The following GLIPR1 variants were observed in gnomAD, a reference collection of about 807,000 sequenced individuals.
GLIPR1 encodes GLI pathogenesis related 1.
A neutral mutation model predicts 30.3 loss-of-function variants in GLIPR1; 38 were observed. The observed-to-expected ratio is 1.26, with a 90% confidence interval of 0.97 to 1.65. The LOEUF is 1.65. Among genes scored for constraint, GLIPR1 ranks in the 40% most tolerant of loss-of-function variants. The pLI, the probability that GLIPR1 is intolerant of heterozygous loss-of-function variation, is 0.00. For synonymous variants in GLIPR1, 122 were observed against 110.6 expected, an observed-to-expected ratio of 1.10 and a Z score of -0.65; for missense variants, 285 against 326.5, an observed-to-expected ratio of 0.87 and a Z score of 0.98.
intron 2 of GLIPR1, among the ~76,000 whole-genome samples, chr12:75,485,539 T>TTATA (rs1470224856): frequency 6.9e-6 from 1 of 145,142 alleles, no homozygotes; most frequent in African/African-American, 2.5e-5. Context: ...TTTATTTTAT[T>TTATA]TATTTATTTA....
rs1229869725 is a variant in GLIPR1, at chr12:75,490,486, T to C, written c.501T>C (p.Asn167=). 2.6e-6 allele frequency: 4 copies of C among 1,533,120 alleles called. 1 individual carries two copies. The South Asian group carries it at 3.4e-5, about 13-fold the overall frequency. The allele number at this position is 1,533,120 out of a possible 1,614,324, so 95.0% of individuals were successfully genotyped here. Reference sequence around the variant, plus strand: ...TTTCTGGCTTTGACGCTCTTTCCAATGGAGCACATTTTATATGCAACTACG... The same window carrying C: ...TTTCTGGCTTTGACGCTCTTTCCAACGGAGCACATTTTATATGCAACTACG... ...PKVSGFDALS[N]GAHFICNYGP... is the part of the protein sequence containing the mutation. Residue 167 remains asparagine (N), a synonymous_variant, in exon 3 of 6, where the codon AAT becomes AAC. Transcript: ENST00000266659.
chr12:75,481,232 T>C (rs969368572), intron 1 of GLIPR1, 178 bp downstream of exon 1: 11 of 453,886 alleles, frequency 2.4e-5, no homozygotes, highest in Non-Finnish European at 4.3e-5. Context: ...TACCCAACTG[T>C]TGTTATAAGC....
chr12:75,502,091 A>G lies in GLIPR1; in HGVS notation c.*3113A>G. On this transcript the variant is annotated 3_prime_UTR_variant, in exon 6 of 6. Transcript: ENST00000266659. Reference sequence around the variant, plus strand: ...GTCACAATATCCTTAGGGTAAAAACAATGGGGTCAAACTGATTTATTAATA... The same window carrying G: ...GTCACAATATCCTTAGGGTAAAAACGATGGGGTCAAACTGATTTATTAATA... The G allele has an allele frequency of 2.0e-6, 2 of 986,650 alleles. No individual in the cohort carries two copies. The highest frequency in any genetic ancestry group is 2.7e-5 in the South Asian group (2 of 73,786). The allele number at this position is 986,650 out of a possible 1,614,324, so 61.1% of individuals were successfully genotyped here. A position where few individuals can be genotyped will look rare whatever the true frequency, so the allele number is the denominator to read the frequency against.
intron 2 of GLIPR1, 86 bp downstream of exon 2, chr12:75,482,165 T>C (rs941518339): frequency 3.6e-6 from 4 of 1,100,322 alleles, no homozygotes; most frequent in Non-Finnish European, 5.4e-6. Flanking sequence ...AAATGTATAG[T>C]ATGCTAGTAT....
chr12:75,481,969 T>G lies in GLIPR1; in HGVS notation c.310T>G (p.Ser104Ala). 1 of 1,614,102 alleles carries G rather than the reference T, an allele frequency of 6.2e-7. No homozygotes were observed. The highest frequency in any genetic ancestry group is 8.5e-7 in the Non-Finnish European group (1 of 1,180,006). Residue 104 changes from serine to alanine, a missense_variant, in exon 2 of 6, where the codon TCT becomes GCT. By Grantham distance (99) the Ser-to-Ala change is moderately conservative. Transcript: ENST00000266659. ...TSLGENIWTG[S>A]VPIFSVSSAI... ...ACTGGGAGAGAACATCTGGACTGGG[T>G]CTGTGCCCATTTTTTCTGTGTCTTC...
rs1381014660 is a variant in GLIPR1, at chr12:75,501,010, T to C, written c.*2032T>C. On this transcript the variant is annotated 3_prime_UTR_variant, in exon 6 of 6. Coordinates refer to ENST00000266659, the MANE Select transcript of GLIPR1 (RefSeq NM_006851.3). ...AATATATTAAAATAATAATGTATTA[T>C]ATCTGTTTCTGACCCAGTCTATGTA... The C allele has an allele frequency of 2.0e-5, 3 of 152,218 alleles. No homozygotes were observed. The highest frequency in any genetic ancestry group is 1.3e-4 in the Admixed American group (2 of 15,258). The allele number at this position is 152,218 out of a possible 1,614,324, so 9.4% of individuals were successfully genotyped here.
In GLIPR1 at chr12:75,501,364, T is replaced by C. The variant is rs1255796521; in HGVS notation, c.*2386T>C. The C allele has an allele frequency of 2.2e-5, 4 of 184,908 alleles. No homozygotes were observed. Among genetic ancestry groups the C allele is most frequent in the Non-Finnish European group, 3.4e-5 (3 of 88,720 alleles). The allele number at this position is 184,908 out of a possible 1,614,324, so 11.5% of individuals were successfully genotyped here. ...AAGATCACATAAAGAGAAGAAAAAG[T>C]ACAACTTCTGATAATTCCTCTTTGA... On this transcript the variant is annotated 3_prime_UTR_variant, in exon 6 of 6. Transcript: ENST00000266659.
At chr12:75,491,905 C>T (rs756039169) in intron 3 of GLIPR1, 2 of 151,984 alleles carry the variant, frequency 1.3e-5, no homozygotes, top group Non-Finnish European at 2.9e-5. Flanking sequence ...AAAGCCATTT[C>T]CCTGGTGTAA....
chr12:75,498,866 G>GTAACAGATACACTTCTCTCTTTC lies in GLIPR1; in HGVS notation c.691_713dup (p.Ile239ThrfsTer13). ...TATCCAGGCTGGCCCATATATCCAC[G>GTAACAGATACACTTCTCTCTTTC]TAACAGATACACTTCTCTCTTTCTC... On this transcript the variant is annotated frameshift_variant, in exon 6 of 6. Transcript: ENST00000266659. LOFTEE classifies it low-confidence loss of function (END_TRUNC). 1 of 1,611,020 alleles carries GTAACAGATACACTTCTCTCTTTC rather than the reference G, an allele frequency of 6.2e-7. No individual in the cohort carries two copies. The highest frequency in any genetic ancestry group is 8.5e-7 in the Non-Finnish European group (1 of 1,177,652).
chr12:75,490,319 T>C, intron 2 of GLIPR1, 87 bp from the exon 3 acceptor site: 1 of 746,022 alleles, frequency 1.3e-6, no homozygotes, highest in Non-Finnish European at 2.3e-6. Context: ...ACTAGAGTGG[T>C]ATACCTCACC....
chr12:75,491,877 C>T (rs2046325560), intron 3 of GLIPR1: 1 of 151,830 alleles, frequency 6.6e-6, no homozygotes, highest in South Asian at 2.1e-4. Context: ...TTTTGGATTC[C>T]TGGAGATTGG....
At chr12:75,489,064 A>C (rs527615971) in intron 2 of GLIPR1, among the ~76,000 whole-genome samples, 1 of 152,264 alleles carries the variant, frequency 6.6e-6, no homozygotes, top group Admixed American at 6.5e-5. Context: ...TCCACCTTTA[A>C]ATACTCTCTT....
chr12:75,487,976 C>T (rs1594056791), intron 2 of GLIPR1, among the ~76,000 whole-genome samples: 1 of 152,110 alleles, frequency 6.6e-6, no homozygotes, highest in Non-Finnish European at 1.5e-5. Flanking sequence ...CCTTTTTAGA[C>T]GATACAGGGT....
intron 2 of GLIPR1, among the ~76,000 whole-genome samples, chr12:75,486,185 T>C (rs905793346): frequency 2.0e-5 from 3 of 152,196 alleles, no homozygotes; most frequent in African/African-American, 7.2e-5. Context: ...AATAACACTT[T>C]ATAAGGATTA....
rs2046273445 is a variant in GLIPR1 at position 75,481,992 on chromosome 12, T to A, written c.333T>A (p.Ser111=). 1 of 1,614,174 alleles carries A rather than the reference T, an allele frequency of 6.2e-7. No individual in the cohort carries two copies. The change falls in exon 2 of 6, where the codon TCT becomes TCA. Residue 111 remains serine, a synonymous_variant. Transcript: ENST00000266659. Reference sequence around the variant, plus strand: ...GGTCTGTGCCCATTTTTTCTGTGTCTTCCGCCATCACAAACTGGTATGACG... The same window carrying A: ...GGTCTGTGCCCATTTTTTCTGTGTCATCCGCCATCACAAACTGGTATGACG... The part of the protein sequence containing the change: ...WTGSVPIFSV[S]SAITNWYDEI...
chr12:75,498,995 A>C lies in GLIPR1; in HGVS notation c.*17A>C, dbSNP rs1303015432. 1 of 1,515,116 alleles carries C rather than the reference A, an allele frequency of 6.6e-7. No homozygotes were observed. The highest frequency in any genetic ancestry group is 1.3e-5 in the South Asian group (1 of 76,072). The allele number at this position is 1,515,116 out of a possible 1,614,324, so 93.9% of individuals were successfully genotyped here. A position where few individuals can be genotyped will look rare whatever the true frequency, so the allele number is the denominator to read the frequency against. ...TTGGACTAATACAATTCAGGAAAGA[A>C]AAAACCCAAAAACCAACCTCATTCA... On this transcript the variant is annotated 3_prime_UTR_variant, in exon 6 of 6. Transcript: ENST00000266659.
chr12:75,492,149 C>T (rs981505958), intron 3 of GLIPR1: 3 of 148,880 alleles, frequency 2.0e-5, no homozygotes, highest in African/African-American at 7.5e-5. Flanking sequence ...AGTACAGTGG[C>T]TCGCTTACGG....
intron 2 of GLIPR1, among the ~76,000 whole-genome samples, chr12:75,489,154 T>C (rs894807736): frequency 4.3e-4 from 65 of 152,156 alleles, no homozygotes; most frequent in African/African-American, 1.6e-3. Flanking sequence ...TGCAAAATGA[T>C]GTGGAATCTT....
At chr12:75,489,155 G>A (rs775015341) in intron 2 of GLIPR1, among the ~76,000 whole-genome samples, 2 of 152,172 alleles carry the variant, frequency 1.3e-5, no homozygotes, top group Non-Finnish European at 2.9e-5. Flanking sequence ...GCAAAATGAT[G>A]TGGAATCTTT....
Sources: allele counts gnomAD v4.1 joint callset (sites outside exome capture counted in the v4.1 genomes callset), GRCh38; gene constraint gnomAD v4.1.1; transcripts MANE v1.5; gene names NCBI Gene and HGNC (gene_info 2026-07-23, HGNC 2026-07-21).